The following FOXN3 variants were observed in gnomAD, a reference collection of about 807,000 sequenced individuals.
FOXN3 encodes the protein forkhead box N3.
A neutral mutation model predicts 38.4 loss-of-function variants in FOXN3; 7 were observed. That is an observed-to-expected ratio of 0.18 (90% confidence interval 0.10 to 0.34). The LOEUF (loss-of-function observed/expected upper bound fraction) is 0.34. FOXN3 is among the 10% of genes least tolerant of loss of function. The pLI is 1.00. For synonymous variants in FOXN3, 230 were observed against 242.2 expected (o/e 0.95, Z 0.47); for missense variants, 456 against 613.4 (o/e 0.74, Z 2.71).
intron 1 of FOXN3, among the ~76,000 whole-genome samples, chr14:89,540,674 G>A (rs934796411): frequency 6.6e-6 from 1 of 151,366 alleles, no homozygotes; most frequent in Admixed American, 6.6e-5. Context: ...GGAGGCGGAG[G>A]CTGTAGTGAG....
At chr14:89,507,765 A>G (rs1383891292) in intron 1 of FOXN3, among the ~76,000 whole-genome samples, 2 of 151,858 alleles carry the variant, frequency 1.3e-5, no homozygotes, top group Non-Finnish European at 2.9e-5. Flanking sequence ...AGAAGGAGGG[A>G]GACAATTTCA....
chr14:89,183,408 T>C (rs1340428219), intron 4 of FOXN3, among the ~76,000 whole-genome samples: 6 of 152,110 alleles, frequency 3.9e-5, no homozygotes, highest in African/African-American at 1.5e-4. Flanking sequence ...CCAAGTACTT[T>C]CCTATATATT....
chr14:89,359,147 T>G (rs2005879), intron 2 of FOXN3, among the ~76,000 whole-genome samples: 25,446 of 151,856 alleles, frequency 0.17, 2,153 homozygotes, highest in East Asian at 0.21. Flanking sequence ...ATACAAAAAA[T>G]TAGCTGGGCA....
intron 1 of FOXN3, among the ~76,000 whole-genome samples, chr14:89,464,229 C>T (rs1892922868): frequency 6.6e-6 from 1 of 152,172 alleles, no homozygotes; most frequent in African/African-American, 2.4e-5. Context: ...TGAGATTCCT[C>T]TACCTTCTTT....
intron 1 of FOXN3, among the ~76,000 whole-genome samples, chr14:89,439,843 A>G (rs1334778566): frequency 6.6e-6 from 1 of 151,532 alleles, no homozygotes; most frequent in Non-Finnish European, 1.5e-5. Flanking sequence ...TTTAGTAGAG[A>G]CGGGGTTTCA....
intron 4 of FOXN3, among the ~76,000 whole-genome samples, chr14:89,191,883 ATTAAC>A (rs925464612): frequency 1.3e-5 from 2 of 149,884 alleles, no homozygotes; most frequent in East Asian, 1.9e-4. Context: ...AAACAAGTAA[ATTAAC>A]TTATTTGGCA....
At chr14:89,297,556 T>C (rs563509830) in intron 3 of FOXN3, among the ~76,000 whole-genome samples, 1 of 133,198 alleles carries the variant, frequency 7.5e-6, no homozygotes, top group South Asian at 2.2e-4. Context: ...CAAGACTCCC[T>C]TTCAAAAAAA....
intron 1 of FOXN3, among the ~76,000 whole-genome samples, chr14:89,459,887 A>G (rs1226656935): frequency 2.0e-5 from 3 of 152,174 alleles, no homozygotes; most frequent in Non-Finnish European, 2.9e-5. Flanking sequence ...GAGGACTGTG[A>G]GGTACATATG....
At chr14:89,208,862 A>G (rs779034220) in intron 4 of FOXN3, among the ~76,000 whole-genome samples, 6 of 152,178 alleles carry the variant, frequency 3.9e-5, no homozygotes, top group Non-Finnish European at 7.4e-5. Context: ...TTGAGCCACA[A>G]TCTGCTCGAC....
chr14:89,296,231 T>G (rs781361426), intron 3 of FOXN3, among the ~76,000 whole-genome samples: 2 of 152,214 alleles, frequency 1.3e-5, no homozygotes, highest in Non-Finnish European at 2.9e-5. Context: ...TTATGATACA[T>G]CTCATGAACA....
chr14:89,386,451 G>A (rs1169922035), intron 2 of FOXN3, among the ~76,000 whole-genome samples: 1 of 152,210 alleles, frequency 6.6e-6, no homozygotes, highest in African/African-American at 2.4e-5. Context: ...GCTGCAACGT[G>A]AAGTCATAGT....
In FOXN3 at chr14:89,163,150, C is replaced by G. The variant is rs569098640; in HGVS notation, c.852-181G>C. ...CTGCTTTGAAGGCAGGGTCCTAAAT[C>G]CTGACACCTCAGTCTCCCCTGCTTA... is the stretch of plus-strand genomic sequence containing the variant. On this transcript the variant is annotated intron_variant, in intron 5 of 5. Coordinates refer to ENST00000557258, the MANE Select transcript of FOXN3 (RefSeq NM_005197.4). This position sits in a 1 kb window ranked among gnomAD's most constrained non-coding sequence, Gnocchi z 4.3. 6.6e-6 allele frequency among the ~76,000 whole-genome samples: 1 copy of G among 152,326 alleles called. No individual in the cohort carries two copies. The highest frequency in any genetic ancestry group is 1.9e-4 in the East Asian group (1 of 5,184).
intron 4 of FOXN3, among the ~76,000 whole-genome samples, chr14:89,279,693 G>C (rs1301220054): frequency 6.6e-6 from 1 of 152,054 alleles, no homozygotes; most frequent in Non-Finnish European, 1.5e-5. Context: ...AAACATTTAG[G>C]ATATCTACGA....
At chr14:89,607,567 A>G (rs907223885) in intron 1 of FOXN3, among the ~76,000 whole-genome samples, 1 of 151,834 alleles carries the variant, frequency 6.6e-6, no homozygotes, top group African/African-American at 2.4e-5. Context: ...TTAAAAAAAA[A>G]AAAAAAAAAG....
chr14:89,236,483 C>G (rs1317220992), intron 4 of FOXN3, among the ~76,000 whole-genome samples: 1 of 152,134 alleles, frequency 6.6e-6, no homozygotes, highest in African/African-American at 2.4e-5. Flanking sequence ...CCACTGCACT[C>G]CAGCCTGGGC....
intron 1 of FOXN3, among the ~76,000 whole-genome samples, chr14:89,530,657 T>C (rs1210004717): frequency 1.3e-5 from 2 of 151,934 alleles, no homozygotes; most frequent in Non-Finnish European, 2.9e-5. Flanking sequence ...TTGCCCAGGC[T>C]GGAGTGCAGT....
chr14:89,338,590 G>T (rs1004249276), intron 3 of FOXN3, among the ~76,000 whole-genome samples: 1 of 152,142 alleles, frequency 6.6e-6, no homozygotes, highest in Non-Finnish European at 1.5e-5. Flanking sequence ...GGTCAGGAGT[G>T]CAAGACCAGC....
At chr14:89,358,376 A>G (rs1889321007) in intron 2 of FOXN3, among the ~76,000 whole-genome samples, 1 of 152,142 alleles carries the variant, frequency 6.6e-6, no homozygotes, top group South Asian at 2.1e-4. Flanking sequence ...GTCCTGTGGG[A>G]TGGGTGGGGT....
intron 1 of FOXN3, among the ~76,000 whole-genome samples, chr14:89,446,583 T>C (rs1255331288): frequency 6.6e-6 from 1 of 152,236 alleles, no homozygotes; most frequent in East Asian, 1.9e-4. Context: ...AACAATGGAA[T>C]CACACTGTAA....
Sources: gnomAD v4.1 joint callset for allele counts (sites outside exome capture counted in the v4.1 genomes callset) on GRCh38, gnomAD v4.1.1 for gene constraint, Gnocchi (gnomAD v3.1) non-coding constraint, MANE v1.5 for transcripts, NCBI Gene and HGNC (gene_info 2026-07-23, HGNC 2026-07-21) for gene names.